The following TBC1D5 variants were observed in gnomAD, a reference collection of about 807,000 sequenced individuals.
TBC1D5 encodes the protein TBC1 domain family, member 5.
In TBC1D5, 75 loss-of-function variants were observed where a neutral mutation model predicts 100.3. The ratio of observed to expected loss-of-function variants is 0.75; its 90% confidence interval spans 0.62 to 0.91. The LOEUF is 0.91. TBC1D5 is among the 40% of genes least tolerant of loss of function. The pLI, the probability that TBC1D5 is intolerant of heterozygous loss-of-function variation, is 0.00. For missense variants in TBC1D5, 910 were observed against 942.4 expected (o/e 0.97, Z 0.45); for synonymous variants, 323 against 325.6 (o/e 0.99, Z 0.09).
At chr3:17,323,967 G>A (rs886232846) in intron 13 of TBC1D5, among the ~76,000 whole-genome samples, 5 of 152,138 alleles carry the variant, frequency 3.3e-5, no homozygotes, top group Admixed American at 2.0e-4. Context: ...ACATAGTATT[G>A]GTATTATAAA....
intron 13 of TBC1D5, among the ~76,000 whole-genome samples, chr3:17,346,178 T>C (rs746219514): frequency 2.6e-5 from 4 of 152,154 alleles, no homozygotes; most frequent in African/African-American, 4.8e-5. Context: ...AATAATACAA[T>C]TGGATGGTAA....
intron 3 of TBC1D5, among the ~76,000 whole-genome samples, chr3:17,492,044 A>G (rs2095645883): frequency 1.3e-5 from 2 of 152,066 alleles, no homozygotes; most frequent in South Asian, 4.1e-4. Context: ...GTGTACAGGA[A>G]TTTATCCATT....
intron 17 of TBC1D5, among the ~76,000 whole-genome samples, chr3:17,237,784 T>C (rs537305974): frequency 6.6e-6 from 1 of 152,362 alleles, no homozygotes; most frequent in Non-Finnish European, 1.5e-5. Flanking sequence ...ACGAATGCTG[T>C]GACTAGTGAA....
chr3:17,520,483 T>C (rs1224197211), intron 2 of TBC1D5, among the ~76,000 whole-genome samples: 2 of 152,108 alleles, frequency 1.3e-5, no homozygotes. Flanking sequence ...GCAAACTCAG[T>C]AGAAGAAAGT....
intron 17 of TBC1D5, among the ~76,000 whole-genome samples, chr3:17,229,712 G>A (rs1177959798): frequency 1.3e-5 from 2 of 151,984 alleles, no homozygotes; most frequent in Non-Finnish European, 2.9e-5. Context: ...ACTTCCCCAG[G>A]TCATCCAGCA....
chr3:17,299,362 T>A (rs992694942), intron 14 of TBC1D5, among the ~76,000 whole-genome samples: 6 of 152,148 alleles, frequency 3.9e-5, no homozygotes, highest in African/African-American at 1.4e-4. Context: ...CCATTTAATA[T>A]TTTTGAATCT....
chr3:17,554,794 A>G (rs2096502052), intron 2 of TBC1D5, among the ~76,000 whole-genome samples: 1 of 152,012 alleles, frequency 6.6e-6, no homozygotes, highest in African/African-American at 2.4e-5. Context: ...GTTTCCTTGT[A>G]ATTCATAAAG....
intron 14 of TBC1D5, among the ~76,000 whole-genome samples, chr3:17,302,339 CCTT>C (rs1217163339): frequency 6.6e-6 from 1 of 152,118 alleles, no homozygotes; most frequent in East Asian, 1.9e-4. Flanking sequence ...TGCCAAATTT[CCTT>C]CTTCTTATGA....
intron 19 of TBC1D5, among the ~76,000 whole-genome samples, chr3:17,168,041 A>G (rs889390906): frequency 5.9e-5 from 9 of 152,212 alleles, no homozygotes; most frequent in Admixed American, 6.5e-5. Flanking sequence ...CCCCTCCAAC[A>G]TTCCATGAAT....
chr3:17,663,903 C>T (rs1308169524), intron 1 of TBC1D5, among the ~76,000 whole-genome samples: 1 of 151,964 alleles, frequency 6.6e-6, no homozygotes, highest in African/African-American at 2.4e-5. Flanking sequence ...TCACAATATA[C>T]TATTAAATGA....
chr3:17,669,040 C>G (rs1180236749), intron 1 of TBC1D5, among the ~76,000 whole-genome samples: 1 of 152,144 alleles, frequency 6.6e-6, no homozygotes. Flanking sequence ...AATTGTAGTT[C>G]CCATAATCCC....
intron 2 of TBC1D5, among the ~76,000 whole-genome samples, chr3:17,603,802 G>A (rs555370657): frequency 2.4e-4 from 36 of 151,950 alleles, no homozygotes; most frequent in African/African-American, 8.4e-4. Context: ...CACGCACCAC[G>A]CCTAGCTAAT....
chr3:17,693,991 C>A (rs1560483841), intron 1 of TBC1D5, among the ~76,000 whole-genome samples: 1 of 152,176 alleles, frequency 6.6e-6, no homozygotes, highest in Non-Finnish European at 1.5e-5. Context: ...AACAGACCTG[C>A]AGCTGAGGGA....
At chr3:17,459,144 A>G (rs1174353357) in intron 3 of TBC1D5, among the ~76,000 whole-genome samples, 1 of 152,240 alleles carries the variant, frequency 6.6e-6, no homozygotes, top group Non-Finnish European at 1.5e-5. Flanking sequence ...ATATAAATAT[A>G]AGTAAGATAA....
chr3:17,639,613 T>C (rs893122910), intron 1 of TBC1D5, among the ~76,000 whole-genome samples: 1 of 152,132 alleles, frequency 6.6e-6, no homozygotes, highest in Non-Finnish European at 1.5e-5. Context: ...TATGGTGGTA[T>C]CTAAAGAAGG....
chr3:17,391,562 C>CAA (rs375183258), intron 8 of TBC1D5, among the ~76,000 whole-genome samples: 4,395 of 141,564 alleles, frequency 0.031, 207 homozygotes, highest in African/African-American at 0.11. Flanking sequence ...GGTGCTGTTT[C>CAA]AAAAAAAAAA....
At chr3:17,234,950 T>C (rs1320138991) in intron 17 of TBC1D5, among the ~76,000 whole-genome samples, 3 of 152,106 alleles carry the variant, frequency 2.0e-5, no homozygotes, top group African/African-American at 7.2e-5. Context: ...CACAAACAAG[T>C]GATAAACAGC....
In TBC1D5 at chr3:17,658,663, T is replaced by C. The variant is rs187926095; in HGVS notation, c.-100-34750A>G. The stretch of plus-strand genomic sequence containing the variant: ...TCTACTCTGATATCTGAGACAGTTA[T>C]AGCTTTTTTTTTAGACAGGGTTTCA... On this transcript the variant is annotated intron_variant, in intron 1 of 21. Transcript: ENST00000253692. 1.7e-4 allele frequency among the ~76,000 whole-genome samples: 26 copies of C among 152,280 alleles called. 1 individual carries two copies. The South Asian group carries it at 3.5e-3, about 21-fold the overall frequency.
chr3:17,321,514 T>G (rs908803888), intron 13 of TBC1D5, among the ~76,000 whole-genome samples: 1 of 152,262 alleles, frequency 6.6e-6, no homozygotes, highest in Non-Finnish European at 1.5e-5. Flanking sequence ...GCTGTTATTT[T>G]TATTACTTGA....
Sources: gnomAD v4.1 joint callset for allele counts (sites outside exome capture counted in the v4.1 genomes callset) on GRCh38, gnomAD v4.1.1 for gene constraint, MANE v1.5 for transcripts, NCBI Gene and HGNC (gene_info 2026-07-23, HGNC 2026-07-21) for gene names.